The following CD163 variants were observed in gnomAD, a reference collection of about 807,000 sequenced individuals.
The protein encoded by CD163 is CD163 molecule, also known as scavenger receptor cysteine-rich type 1 protein M130.
CD163 carries 64 observed loss-of-function variants against 129.2 expected under a neutral mutation model. The ratio of observed to expected loss-of-function variants is 0.50; its 90% CI spans 0.41 to 0.61. CD163 has a LOEUF of 0.61. Among genes scored for constraint, CD163 ranks in the 20% least tolerant of loss-of-function variants. CD163 has a pLI of 0.00. For missense variants in CD163, 1,061 were observed against 1,377.9 expected (o/e 0.77, Z 3.64); for synonymous variants, 446 against 478.5 (o/e 0.93, Z 0.89).
At chr12:7,475,474 C>A (rs1007670154) in intron 16 of CD163, among the ~76,000 whole-genome samples, 7 of 152,210 alleles carry the variant, frequency 4.6e-5, no homozygotes, top group Non-Finnish European at 8.8e-5. Flanking sequence ...ATAAACAGAA[C>A]AAATCACAAA....
At chr12:7,498,204 T>G (rs1299845399) in intron 4 of CD163, among the ~76,000 whole-genome samples, 2 of 151,982 alleles carry the variant, frequency 1.3e-5, no homozygotes, top group African/African-American at 4.8e-5. Flanking sequence ...TTTTTACTCT[T>G]ATTTTCCTAA....
intron 16 of CD163, 100 bp downstream of exon 16, chr12:7,479,760 T>C: frequency 1.6e-6 from 2 of 1,240,334 alleles, no homozygotes; most frequent in Non-Finnish European, 2.3e-6. Context: ...AAATAAAATA[T>C]GTTTATATAC....
intron 15 of CD163, chr12:7,480,178 C>T: frequency 1.9e-6 from 1 of 515,044 alleles, no homozygotes; most frequent in South Asian, 2.5e-5. Context: ...AGTACATGTT[C>T]CTTAAATATG....
rs4883264 is a variant in CD163 at position 7,497,057 on chromosome 12, T to C, written c.855A>G (p.Gly285=). The part of the protein sequence containing the change: ...CSGRLEVRFQ[G]EWGTICDDGW... ...CGTCATCACATATTGTCCCCCATTCTCCTTGGAATCTCACTTCTAATCTTC... is the reference window on the plus strand; with the variant it reads ...CGTCATCACATATTGTCCCCCATTCCCCTTGGAATCTCACTTCTAATCTTC... Residue 285 remains glycine, a synonymous_variant, in exon 5 of 17, where the codon GGA becomes GGG. Coordinates refer to ENST00000432237, the MANE Select transcript of CD163 (RefSeq NM_203416.4). 0.72 allele frequency: 1,167,265 copies of C among 1,613,638 alleles called. 437,536 individuals are homozygous for C. Among genetic ancestry groups the C allele is most frequent in the Non-Finnish European group, 0.77 (910,981 of 1,179,766 alleles).
At chr12:7,502,453 T>C (rs1949504391) in intron 2 of CD163, 25 bp downstream of exon 2, 1 of 1,440,598 alleles carries the variant, frequency 6.9e-7, no homozygotes, top group Non-Finnish European at 9.8e-7. Context: ...GCTAAGGCTG[T>C]AAGTAAATTT....
rs188248387 is a variant in CD163 at position 7,490,558 on chromosome 12, T to C, written c.1421-2471A>G. 3.4e-4 allele frequency among the ~76,000 whole-genome samples: 51 copies of C among 152,128 alleles called. No homozygotes were observed. In the East Asian group the frequency reaches 8.9e-3, roughly 26 times the overall value. ...CCTTCTGAAGGTCTTAAGTCCTTTA[T>C]AGATACCTGCTATCAAATATCAACA... On this transcript the variant is annotated intron_variant, in intron 6 of 16. Coordinates refer to ENST00000432237, the MANE Select transcript of CD163 (RefSeq NM_203416.4).
chr12:7,493,804 A>G (rs1949359097), intron 6 of CD163, among the ~76,000 whole-genome samples: 1 of 152,162 alleles, frequency 6.6e-6, no homozygotes, highest in African/African-American at 2.4e-5. Flanking sequence ...AAAGGAAATA[A>G]AAGTAACATT....
chr12:7,494,172 G>T (rs1430191565), intron 6 of CD163, among the ~76,000 whole-genome samples: 1 of 152,210 alleles, frequency 6.6e-6, no homozygotes, highest in African/African-American at 2.4e-5. Flanking sequence ...GTGAGGAAAA[G>T]AATTGGATAG....
chr12:7,474,432 C>T (rs1292616955), intron 16 of CD163, among the ~76,000 whole-genome samples: 1 of 152,162 alleles, frequency 6.6e-6, no homozygotes, highest in Non-Finnish European at 1.5e-5. Flanking sequence ...TCACTCGAAA[C>T]CTCACAACTA....
intron 4 of CD163, among the ~76,000 whole-genome samples, chr12:7,498,643 G>T (rs1200949257): frequency 1.3e-5 from 2 of 150,986 alleles, no homozygotes; most frequent in Non-Finnish European, 2.9e-5. Flanking sequence ...CTTTTCTTAT[G>T]ACCTGGATCT....
At position 7,485,084 on chromosome 12, in the gene CD163, A is replaced by T. The variant is rs1168579686; in HGVS notation, c.2779+12T>A. The T allele has an allele frequency of 6.3e-7, 1 of 1,581,036 alleles. No individual in the cohort carries two copies. The highest frequency in any genetic ancestry group is 1.2e-5 in the South Asian group (1 of 86,642). ...CAGAATGGAATTTTCATATAGGTCG[A>T]TGGATACTCACTGTCACATGTGATC... On this transcript the variant is annotated intron_variant, in intron 11 of 16. Transcript: ENST00000432237. The surrounding 1 kb of genome is among the most constrained non-coding windows in gnomAD (Gnocchi z 4.5).
chr12:7,485,088 A>G lies in CD163; in HGVS notation c.2779+8T>C. ...ATGGAATTTTCATATAGGTCGATGGATACTCACTGTCACATGTGATCCAGG... is the reference window on the plus strand; with the variant it reads ...ATGGAATTTTCATATAGGTCGATGGGTACTCACTGTCACATGTGATCCAGG... On this transcript the variant is annotated splice_region_variant and intron_variant, in intron 11 of 16. Transcript: ENST00000432237. This position sits in a 1 kb window ranked among gnomAD's most constrained non-coding sequence, Gnocchi z 4.5. 6.3e-7 allele frequency: 1 copy of G among 1,585,828 alleles called. No homozygotes were observed. Among genetic ancestry groups the G allele is most frequent in the Non-Finnish European group, 8.6e-7 (1 of 1,164,208 alleles).
In CD163 at chr12:7,478,619, G is replaced by GTA. The variant is rs760278570; in HGVS notation, c.*31+1239_*31+1240dup. On this transcript the variant is annotated intron_variant, in intron 16 of 16. Coordinates refer to ENST00000432237, the MANE Select transcript of CD163 (RefSeq NM_203416.4). ...CTAAGAACTCTATGTATCTATGTGTGTATATATATAGTATGTAAAATTAGC... is the reference window on the plus strand; with the variant it reads ...CTAAGAACTCTATGTATCTATGTGTGTATATATATATAGTATGTAAAATTAGC... Among the ~76,000 whole-genome samples the GTA allele has an allele frequency of 4.6e-3, 695 of 151,974 alleles. 3 individuals carry two copies. The highest frequency in any genetic ancestry group is 0.016 in the African/African-American group (678 of 41,468).
chr12:7,485,679 C>T lies in CD163; in HGVS notation c.2459-263G>A, dbSNP rs986754229. ...GATTACCCTCAATCATTCTAATAGG[C>T]TTTTTTCAGTTACATAGTTTGGATT... On this transcript the variant is annotated intron_variant, in intron 10 of 16. Transcript: ENST00000432237. This position sits in a 1 kb window ranked among gnomAD's most constrained non-coding sequence, Gnocchi z 4.5. Among the ~76,000 whole-genome samples, 2 of 152,032 alleles carry T rather than the reference C, an allele frequency of 1.3e-5. No individual in the cohort carries two copies. The highest frequency in any genetic ancestry group is 6.8e-3 in the Middle Eastern group (2 of 294).
chr12:7,500,876 T>C (rs1192164000), intron 3 of CD163, among the ~76,000 whole-genome samples: 11 of 152,120 alleles, frequency 7.2e-5, no homozygotes, highest in Non-Finnish European at 1.5e-4. Context: ...ATATCAAATT[T>C]AAACCACCAC....
rs767852916 is a variant in CD163 at position 7,496,421 on chromosome 12, C to T, written c.1099+392G>A. ...TGACAGGTTGATACGTGAAGCAGAC[C>T]ACCATGGAACATGTTTACCCATGTA... is the stretch of plus-strand genomic sequence containing the variant. On this transcript the variant is annotated intron_variant, in intron 5 of 16. Coordinates refer to ENST00000432237, the MANE Select transcript of CD163 (RefSeq NM_203416.4). The surrounding 1 kb of genome is among the most constrained non-coding windows in gnomAD (Gnocchi z 4.8). Among the ~76,000 whole-genome samples the T allele has an allele frequency of 6.6e-6, 1 of 152,074 alleles. No homozygotes were observed. Among genetic ancestry groups the T allele is most frequent in the African/African-American group, 2.4e-5 (1 of 41,402 alleles).
At position 7,471,039 on chromosome 12, in the gene CD163, T is replaced by C. The variant is rs1157274433; in HGVS notation, c.*390A>G. The C allele has an allele frequency of 2.0e-5, 3 of 151,972 alleles. No homozygotes were observed. The highest frequency in any genetic ancestry group is 4.4e-5 in the Non-Finnish European group (3 of 67,980). The allele number at this position is 151,972 out of a possible 1,614,324, so 9.4% of individuals were successfully genotyped here. The stretch of plus-strand genomic sequence containing the variant: ...ATTATTCAAACCAAATAAGAAAAAA[T>C]ATACAGTACTGTATATGCAAATTGA... On this transcript the variant is annotated 3_prime_UTR_variant, in exon 17 of 17. Transcript: ENST00000432237.
chr12:7,474,754 T>C (rs1949060416), intron 16 of CD163, among the ~76,000 whole-genome samples: 1 of 151,672 alleles, frequency 6.6e-6, no homozygotes, highest in Non-Finnish European at 1.5e-5. Context: ...GATGGAGACA[T>C]GAAAAACCCT....
chr12:7,474,125 G>T (rs1284253395), intron 16 of CD163, among the ~76,000 whole-genome samples: 3 of 151,960 alleles, frequency 2.0e-5, no homozygotes, highest in Non-Finnish European at 4.4e-5. Context: ...CCACACAATA[G>T]TAGTGGGAGA....
Sources: gnomAD v4.1 joint callset for allele counts (sites outside exome capture counted in the v4.1 genomes callset) on GRCh38, gnomAD v4.1.1 for gene constraint, Gnocchi (gnomAD v3.1) non-coding constraint, MANE v1.5 for transcripts, NCBI Gene and HGNC (gene_info 2026-07-23, HGNC 2026-07-21) for gene names.